GSTA1: variants seen among roughly 807,000 people sequenced by gnomAD.
GSTA1 encodes the protein glutathione S-transferase alpha 1.
GSTA1 carries 23 observed loss-of-function variants against 21.5 expected under a neutral mutation model. The observed-to-expected ratio is 1.07, with a 90% CI of 0.77 to 1.52. GSTA1 has a LOEUF of 1.52. Ranked by LOEUF, GSTA1 falls within the 40% of genes most tolerant of loss-of-function variation. The pLI, the probability that GSTA1 is intolerant of heterozygous loss-of-function variation, is 0.00. For missense variants in GSTA1, 301 were observed against 264.2 expected (o/e 1.14, Z -0.96); for synonymous variants, 125 against 90.0 (o/e 1.39, Z -2.20).
At chr6:52,801,128 G>A (rs969175891) in intron 1 of GSTA1, among the ~76,000 whole-genome samples, 4 of 152,088 alleles carry the variant, frequency 2.6e-5, no homozygotes, top group Admixed American at 1.3e-4. Context: ...TGATCCACTC[G>A]CCTCAGCCTC....
chr6:52,802,381 G>A (rs1333947711), intron 1 of GSTA1, among the ~76,000 whole-genome samples: 1 of 152,134 alleles, frequency 6.6e-6, no homozygotes, highest in Non-Finnish European at 1.5e-5. Context: ...GCAGTAGGTT[G>A]TTTAATCTCT....
rs530255410 is a variant in GSTA1, at chr6:52,796,252, T to C, written c.202A>G (p.Thr68Ala). 1.9e-6 allele frequency: 3 copies of C among 1,613,736 alleles called. No individual in the cohort carries two copies. The highest frequency in any genetic ancestry group is 1.3e-5 in the African/African-American group (1 of 74,792). The change falls in exon 4 of 7, where the codon ACC (threonine) becomes GCC (alanine). Residue 68 changes from threonine (T) to alanine (A), a missense_variant. Coordinates refer to ENST00000334575, the MANE Select transcript of GSTA1 (RefSeq NM_145740.5). ...VEIDGMKLVQTRAILNYIASK... is the reference protein window; with the variant it reads ...VEIDGMKLVQARAILNYIASK... ...GCAATGTAGTTGAGAATGGCTCTGGTCTGCACCAGCTTCATCCCATCAATC... is the reference window on the plus strand; with the variant it reads ...GCAATGTAGTTGAGAATGGCTCTGGCCTGCACCAGCTTCATCCCATCAATC...
intron 1 of GSTA1, among the ~76,000 whole-genome samples, chr6:52,801,762 T>C (rs1299935226): frequency 1.3e-5 from 2 of 152,118 alleles, no homozygotes; most frequent in African/African-American, 4.8e-5. Context: ...TCATTCATAG[T>C]CAATATCTAG....
At position 52,791,696 on chromosome 6, in the gene GSTA1, A is replaced by T; in HGVS notation, c.*162T>A. 1.3e-6 allele frequency: 1 copy of T among 796,200 alleles called. No homozygotes were observed. The highest frequency in any genetic ancestry group is 1.9e-6 in the Non-Finnish European group (1 of 519,078). The allele number at this position is 796,200 out of a possible 1,614,324, so 49.3% of individuals were successfully genotyped here. ...ATCCTAATGAAAACAAATCAATTTT[A>T]ACTAAGTCAGCGAATAGGAGTTGTA... On this transcript the variant is annotated 3_prime_UTR_variant, in exon 7 of 7. Transcript: ENST00000334575.
chr6:52,800,828 G>C (rs56377310), intron 1 of GSTA1, among the ~76,000 whole-genome samples: 1,695 of 152,242 alleles, frequency 0.011, 30 homozygotes, highest in African/African-American at 0.038. Context: ...AAGTTTTGTG[G>C]TTGTTGAGTG....
intron 1 of GSTA1, among the ~76,000 whole-genome samples, chr6:52,801,947 T>TA (rs1234128346): frequency 6.6e-6 from 1 of 152,124 alleles, no homozygotes; most frequent in African/African-American, 2.4e-5. Context: ...CTCCACCTCA[T>TA]AACCTGGCTC....
rs143039073 is a variant in GSTA1 at position 52,795,077 on chromosome 6, C to T, written c.273-811G>A. On this transcript the variant is annotated intron_variant, in intron 4 of 6. Transcript: ENST00000334575. ...AGTCTAATTGCAGAATTATTTTTGT[C>T]GCCCTGATAAGGACACCTGTACCAT... 5.6e-4 allele frequency among the ~76,000 whole-genome samples: 83 copies of T among 149,278 alleles called. 1 individual carries two copies. In the East Asian group the frequency reaches 0.013, roughly 23 times the overall value.
chr6:52,801,734 G>T (rs1763722005), intron 1 of GSTA1, among the ~76,000 whole-genome samples: 1 of 152,136 alleles, frequency 6.6e-6, no homozygotes, highest in African/African-American at 2.4e-5. Context: ...TTTGCCATGG[G>T]TCACACACAC....
At chr6:52,794,339 G>A in intron 4 of GSTA1, 73 bp from the exon 5 acceptor site, 1 of 1,471,952 alleles carries the variant, frequency 6.8e-7, no homozygotes, top group Non-Finnish European at 9.2e-7. Flanking sequence ...AAACCTAAGG[G>A]AGTAGAGTAT....
intron 2 of GSTA1, among the ~76,000 whole-genome samples, 188 bp downstream of exon 2, chr6:52,798,993 T>C (rs540800331): frequency 6.6e-6 from 1 of 152,376 alleles, no homozygotes; most frequent in African/African-American, 2.4e-5. Context: ...TATTTTAATA[T>C]GTTTGCTTTT....
chr6:52,795,120 C>T (rs369412120), intron 4 of GSTA1, among the ~76,000 whole-genome samples: 7 of 144,378 alleles, frequency 4.8e-5, no homozygotes, highest in African/African-American at 1.8e-4. Context: ...ATTCTTTTTT[C>T]TCCAAGCCCC....
intron 6 of GSTA1, 94 bp from the exon 7 acceptor site, chr6:52,792,074 A>G: frequency 6.4e-7 from 1 of 1,550,736 alleles, no homozygotes; most frequent in Non-Finnish European, 8.7e-7. Context: ...TGCAAAGACC[A>G]AGTGAGTCTG....
At chr6:52,797,057 A>T (rs111306554) in intron 3 of GSTA1, among the ~76,000 whole-genome samples, 2,280 of 151,570 alleles carry the variant, frequency 0.015, no homozygotes, top group African/African-American at 0.052. Flanking sequence ...TAAAACAGGA[A>T]GTTCCCAGAG....
chr6:52,800,943 G>T (rs1326146521), intron 1 of GSTA1, among the ~76,000 whole-genome samples: 1 of 152,154 alleles, frequency 6.6e-6, no homozygotes, highest in African/African-American at 2.4e-5. Flanking sequence ...GAGCAATGGC[G>T]TGATCTTGGC....
rs552982129 is a variant in GSTA1 at position 52,791,948 on chromosome 6, T to C, written c.579A>G (p.Thr193=). The C allele has an allele frequency of 1.5e-5, 25 of 1,613,880 alleles. No homozygotes were observed. The highest frequency in any genetic ancestry group is 2.7e-5 in the African/African-American group (2 of 74,932). The change falls in exon 7 of 7, where the codon ACA becomes ACG. Residue 193 remains threonine (T), a synonymous_variant. Transcript: ENST00000334575. ...TGCCAGGCTGTAGAAACTTCTTCAC[T>C]GTGGGCAGGTTGCTGATTCTGGTTT... ...ALKTRISNLP[T]VKKFLQPGSP...
At chr6:52,797,745 T>C in intron 2 of GSTA1, 108 bp from the exon 3 acceptor site, 1 of 987,704 alleles carries the variant, frequency 1.0e-6, no homozygotes, top group East Asian at 2.5e-5. Context: ...GATTTCTGAG[T>C]TTGGCAGGGT....
At position 52,799,209 on chromosome 6, in the gene GSTA1, C is replaced by A; in HGVS notation, c.59G>T (p.Arg20Leu). The change falls in exon 2 of 7, where the codon CGG becomes CTG. Residue 20 changes from arginine to leucine, a missense_variant. Coordinates refer to ENST00000334575, the MANE Select transcript of GSTA1 (RefSeq NM_145740.5). ...TACTCCAGCTGCAGCCAGGAGCCAC[C>A]GGGTGGACTCCATTCTGCCCCGTGC... is the stretch of plus-strand genomic sequence containing the variant. ...FNARGRMEST[R>L]WLLAAAGVEF... is the part of the protein sequence containing the mutation. 1 of 1,613,896 alleles carries A rather than the reference C, an allele frequency of 6.2e-7. No homozygotes were observed. The highest frequency in any genetic ancestry group is 1.1e-5 in the South Asian group (1 of 91,066).
chr6:52,792,747 T>G, intron 6 of GSTA1, 109 bp downstream of exon 6: 1 of 1,609,978 alleles, frequency 6.2e-7, no homozygotes, highest in Non-Finnish European at 8.5e-7. Flanking sequence ...CTTGGGGCAC[T>G]GAAGGCCTGG....
At chr6:52,802,272 C>T (rs1217831499) in intron 1 of GSTA1, among the ~76,000 whole-genome samples, 2 of 152,112 alleles carry the variant, frequency 1.3e-5, no homozygotes, top group African/African-American at 2.4e-5. Context: ...AAAGGAGTTA[C>T]ATTTACATCT....
Sources: allele counts gnomAD v4.1 joint callset (sites outside exome capture counted in the v4.1 genomes callset), GRCh38; gene constraint gnomAD v4.1.1; transcripts MANE v1.5; gene names NCBI Gene and HGNC (gene_info 2026-07-23, HGNC 2026-07-21).